CDC42BPB: variants seen among roughly 807,000 people sequenced by gnomAD.
CDC42BPB encodes the protein serine/threonine-protein kinase MRCK beta.
A neutral mutation model predicts 214.9 loss-of-function variants in CDC42BPB; 37 were observed. That is an observed-to-expected ratio of 0.17 (90% CI 0.13 to 0.23). CDC42BPB has a LOEUF of 0.23. CDC42BPB is among the 10% of genes least tolerant of loss of function. The pLI, the probability that CDC42BPB is intolerant of heterozygous loss-of-function variation, is 1.00. For missense variants in CDC42BPB, 1,694 were observed against 2,227.0 expected (o/e 0.76, Z 4.82); for synonymous variants, 931 against 884.0 (o/e 1.05, Z -0.94).
At position 103,053,418 on chromosome 14, in the gene CDC42BPB, G is replaced by C. The variant is rs539602322; in HGVS notation, c.175+3581C>G. Among the ~76,000 whole-genome samples, 7 of 151,674 alleles carry C rather than the reference G, an allele frequency of 4.6e-5. No individual in the cohort carries two copies. The South Asian group carries it at 1.5e-3, about 32-fold the overall frequency. On this transcript the variant is annotated intron_variant, in intron 1 of 36. Transcript: ENST00000361246. ...CATTAAGGTTCAAGATTTCATAGAGGAAACCAATCAAGCTATAGGAAAATT... is the reference window on the plus strand; with the variant it reads ...CATTAAGGTTCAAGATTTCATAGAGCAAACCAATCAAGCTATAGGAAAATT...
chr14:102,990,232 G>A (rs1278138820), intron 5 of CDC42BPB, among the ~76,000 whole-genome samples: 2 of 152,172 alleles, frequency 1.3e-5, no homozygotes, highest in African/African-American at 4.8e-5. Flanking sequence ...ACTGAAGGGG[G>A]AGATGGGGTT....
At position 102,932,998 on chromosome 14, in the gene CDC42BPB, C is replaced by T. The variant is rs1038567328; in HGVS notation, c.*714G>A. ...GGGCCTGCCTGCACCACGACACTCG[C>T]TGGTTTTATGGCAGGAGGCAGAAGC... On this transcript the variant is annotated 3_prime_UTR_variant, in exon 37 of 37. Transcript: ENST00000361246. 1 of 152,312 alleles carries T rather than the reference C, an allele frequency of 6.6e-6. No individual in the cohort carries two copies. The highest frequency in any genetic ancestry group is 1.5e-5 in the Non-Finnish European group (1 of 68,038). The allele number at this position is 152,312 out of a possible 1,614,324, so 9.4% of individuals were successfully genotyped here.
intron 5 of CDC42BPB, among the ~76,000 whole-genome samples, chr14:102,996,812 CA>C (rs34138749): frequency 1.8e-4 from 23 of 125,152 alleles, no homozygotes; most frequent in Admixed American, 5.8e-4. Context: ...GACTCCATCT[CA>C]AAAAAAAAAA....
intron 1 of CDC42BPB, among the ~76,000 whole-genome samples, chr14:103,053,749 G>A (rs938209437): frequency 2.0e-5 from 3 of 148,268 alleles, no homozygotes; most frequent in Non-Finnish European, 4.5e-5. Context: ...GCGACAGAGT[G>A]AGACTCCGTC....
chr14:102,941,684 A>T, intron 30 of CDC42BPB: 2 of 371,898 alleles, frequency 5.4e-6, no homozygotes, highest in Non-Finnish European at 7.4e-6. Flanking sequence ...GATTCTAGTG[A>T]AACAGATTCT....
intron 1 of CDC42BPB, among the ~76,000 whole-genome samples, chr14:103,044,796 C>T (rs946268393): frequency 2.7e-5 from 4 of 150,856 alleles, no homozygotes; most frequent in Non-Finnish European, 5.9e-5. Context: ...CAGGCGTGAG[C>T]CACCGTGCCC....
chr14:102,958,768 C>T (rs1474527604), intron 21 of CDC42BPB, among the ~76,000 whole-genome samples: 1 of 152,120 alleles, frequency 6.6e-6, no homozygotes, highest in South Asian at 2.1e-4. Context: ...CCTTTCCCAT[C>T]GATCCCCAAT....
chr14:103,011,205 G>C (rs530797078), intron 2 of CDC42BPB, among the ~76,000 whole-genome samples: 63 of 152,326 alleles, frequency 4.1e-4, no homozygotes, highest in South Asian at 2.1e-3. Context: ...ACCGTGCCAC[G>C]GGCCTCCTGG....
chr14:103,034,268 C>T (rs1039198952), intron 1 of CDC42BPB, among the ~76,000 whole-genome samples: 6 of 152,064 alleles, frequency 3.9e-5, no homozygotes, highest in Non-Finnish European at 8.8e-5. Flanking sequence ...CTATTCCCAG[C>T]GTTTTGGGAG....
intron 6 of CDC42BPB, among the ~76,000 whole-genome samples, chr14:102,984,909 C>G (rs1296430675): frequency 1.3e-5 from 2 of 152,256 alleles, no homozygotes; most frequent in African/African-American, 4.8e-5. Flanking sequence ...GTGGCCAGCC[C>G]ACAGGAGCTC....
chr14:102,998,373 C>G (rs1894834458), intron 5 of CDC42BPB, among the ~76,000 whole-genome samples: 1 of 152,214 alleles, frequency 6.6e-6, no homozygotes, highest in Admixed American at 6.5e-5. Flanking sequence ...CAATAGTTAC[C>G]TGACCAAGTG....
Position 102,980,881 on chromosome 14 carries a change from A to T in CDC42BPB, c.1032T>A (p.Gly344=), listed in dbSNP as rs776437224. The part of the protein sequence containing the change: ...EDFKKHAFFE[G]LNWENIRNLE... ...GGTTTCGTATATTTTCCCAATTTAGACCTTCAAAAAACGCATGCTTTTTGA... is the reference window on the plus strand; with the variant it reads ...GGTTTCGTATATTTTCCCAATTTAGTCCTTCAAAAAACGCATGCTTTTTGA... Residue 344 remains glycine, a synonymous_variant, in exon 8 of 37, where the codon GGT becomes GGA. Transcript: ENST00000361246. 1.1e-5 allele frequency: 18 copies of T among 1,613,978 alleles called. No individual in the cohort carries two copies. The African/African-American group carries it at 2.3e-4, about 20-fold the overall frequency.
At chr14:102,976,265 C>A in intron 9 of CDC42BPB, 1 of 944,638 alleles carries the variant, frequency 1.1e-6, no homozygotes, top group Non-Finnish European at 1.3e-6. Context: ...TCAAAGAAAG[C>A]GCCTCTGCAA....
intron 5 of CDC42BPB, among the ~76,000 whole-genome samples, chr14:102,997,289 A>G (rs780294986): frequency 1.1e-4 from 17 of 152,208 alleles, no homozygotes; most frequent in African/African-American, 4.1e-4. Context: ...GTGGTTTCCA[A>G]CTAAAATCTC....
chr14:103,043,413 G>A (rs1465256956), intron 1 of CDC42BPB, among the ~76,000 whole-genome samples: 3 of 152,146 alleles, frequency 2.0e-5, no homozygotes, highest in South Asian at 2.1e-4. Context: ...ACAACATGAT[G>A]TCAGTCATGA....
At chr14:103,036,153 CT>C (rs564909240) in intron 1 of CDC42BPB, among the ~76,000 whole-genome samples, 7,972 of 135,890 alleles carry the variant, frequency 0.059, 432 homozygotes, top group African/African-American at 0.16. Context: ...ATAAAATATT[CT>C]TTTTTTTTTT....
At chr14:102,963,925 C>T (rs927018198) in intron 19 of CDC42BPB, among the ~76,000 whole-genome samples, 5 of 152,232 alleles carry the variant, frequency 3.3e-5, no homozygotes, top group African/African-American at 1.2e-4. Context: ...CACAGCAGAG[C>T]TGGCCTGGTT....
intron 3 of CDC42BPB, among the ~76,000 whole-genome samples, chr14:103,005,750 G>A (rs1047783645): frequency 8.5e-5 from 13 of 152,074 alleles, no homozygotes; most frequent in African/African-American, 2.7e-4. Context: ...GGCTGCACAC[G>A]GTGGCTCACG....
intron 36 of CDC42BPB, 56 bp from the exon 37 acceptor site, chr14:102,933,899 G>GA: frequency 3.4e-6 from 5 of 1,462,762 alleles, no homozygotes; most frequent in Non-Finnish European, 4.5e-6. Flanking sequence ...GGGGAGGCAC[G>GA]CGTGCCCAGC....
Sources: gnomAD v4.1 joint callset for allele counts (sites outside exome capture counted in the v4.1 genomes callset) on GRCh38, gnomAD v4.1.1 for gene constraint, MANE v1.5 for transcripts, NCBI Gene and HGNC (gene_info 2026-07-23, HGNC 2026-07-21) for gene names.